Variants in SPMIP6 observed in about 807,000 individuals in gnomAD.
SPMIP6 encodes the protein sperm microtubule inner protein 6, also known as ciliated bronchial epithelial protein 1.
the SPMIP6 span, among the ~76,000 whole-genome samples, chr9:34,393,087 A>G: frequency 1.3e-5 from 2 of 152,216 alleles, no homozygotes; most frequent in African/African-American, 4.8e-5. Context: ...ATTAGGAAAC[A>G]TTTAGGAAAG....
the SPMIP6 span, among the ~76,000 whole-genome samples, chr9:34,393,405 T>G: frequency 3.3e-5 from 5 of 152,242 alleles, no homozygotes; most frequent in Non-Finnish European, 7.3e-5. Context: ...AGAAGTTCCT[T>G]TATTGTATAT....
chr9:34,380,461 G>C, the SPMIP6 span, among the ~76,000 whole-genome samples: 2 of 152,216 alleles, frequency 1.3e-5, no homozygotes, highest in African/African-American at 4.8e-5. Flanking sequence ...GGACCAGCAA[G>C]AGAGGACATT....
the SPMIP6 span, chr9:34,380,956 G>A: frequency 1.2e-6 from 2 of 1,604,998 alleles, no homozygotes; most frequent in South Asian, 1.1e-5. Context: ...AGGGCGCCCC[G>A]CTGGCGTAGT....
At chr9:34,393,862 C>T in the SPMIP6 span, among the ~76,000 whole-genome samples, 1 of 152,084 alleles carries the variant, frequency 6.6e-6, no homozygotes, top group Non-Finnish European at 1.5e-5. Flanking sequence ...CTCTTTAATC[C>T]ATCTGCTGAA....
chr9:34,379,153 C>A, the SPMIP6 span: 1 of 1,613,766 alleles, frequency 6.2e-7, no homozygotes, highest in South Asian at 1.1e-5. This position sits in a 1 kb window ranked among gnomAD's most constrained non-coding sequence, Gnocchi z 4.2. Flanking sequence ...TGGGGACCAC[C>A]AGACTTCTTG....
At chr9:34,382,608 T>C in the SPMIP6 span, 1 of 630,608 alleles carries the variant, frequency 1.6e-6, no homozygotes, top group Non-Finnish European at 2.9e-6. Context: ...ATACAAACTC[T>C]AGTTTCACAG....
chr9:34,397,530 C>T, the SPMIP6 span: 20 of 1,614,020 alleles, frequency 1.2e-5, no homozygotes, highest in East Asian at 4.5e-5. Flanking sequence ...TTCCCAGGCA[C>T]ACAGGGGTGG....
chr9:34,393,511 TTGTC>T, the SPMIP6 span, among the ~76,000 whole-genome samples: 15 of 152,320 alleles, frequency 9.8e-5, no homozygotes, highest in Non-Finnish European at 7.3e-5. Context: ...TTTTTTTTCT[TTGTC>T]TGTTTTTAAG....
At chr9:34,380,809 G>T in the SPMIP6 span, 1 of 1,517,042 alleles carries the variant, frequency 6.6e-7, no homozygotes, top group Non-Finnish European at 8.9e-7. Flanking sequence ...GGCCTGCACG[G>T]AAGCTGGCCG....
At chr9:34,379,646 C>G in the SPMIP6 span, 1 of 1,613,830 alleles carries the variant, frequency 6.2e-7, no homozygotes, top group Non-Finnish European at 8.5e-7. This position sits in a 1 kb window ranked among gnomAD's most constrained non-coding sequence, Gnocchi z 4.2. Context: ...TTAGACTTAC[C>G]TAAGGTTCGG....
the SPMIP6 span, chr9:34,381,567 C>A: frequency 1.3e-6 from 2 of 1,521,152 alleles, no homozygotes; most frequent in South Asian, 1.2e-5. This position sits in a 1 kb window ranked among gnomAD's most constrained non-coding sequence, Gnocchi z 4.4. Context: ...CAGCAGCTCC[C>A]CACCTCTCCA....
chr9:34,385,709 C>T, the SPMIP6 span: 1 of 1,613,848 alleles, frequency 6.2e-7, no homozygotes, highest in South Asian at 1.1e-5. Context: ...TAAGTGTAGT[C>T]CTGTACAGCA....
At chr9:34,390,794 A>T in the SPMIP6 span, among the ~76,000 whole-genome samples, 3 of 151,814 alleles carry the variant, frequency 2.0e-5, no homozygotes, top group Non-Finnish European at 4.4e-5. Context: ...TAATTTTTAA[A>T]TTTTTTTGTA....
the SPMIP6 span, chr9:34,385,745 C>T: frequency 4.3e-5 from 69 of 1,613,604 alleles, no homozygotes; most frequent in South Asian, 6.3e-4. Flanking sequence ...TGCAGGGCTT[C>T]GGGATCCACA....
the SPMIP6 span, chr9:34,379,162 T>C: frequency 1.9e-6 from 3 of 1,613,034 alleles, no homozygotes; most frequent in East Asian, 6.7e-5. The surrounding 1 kb of genome is among the most constrained non-coding windows in gnomAD (Gnocchi z 4.2). Flanking sequence ...CCAGACTTCT[T>C]GAAGTGACTT....
At chr9:34,379,784 A>G in the SPMIP6 span, 1 of 1,449,486 alleles carries the variant, frequency 6.9e-7, no homozygotes. The surrounding 1 kb of genome is among the most constrained non-coding windows in gnomAD (Gnocchi z 4.2). Flanking sequence ...TTTGACTCTC[A>G]TCCCCCGATT....
At chr9:34,381,829 G>A in the SPMIP6 span, 1 of 957,428 alleles carries the variant, frequency 1.0e-6, no homozygotes, top group Non-Finnish European at 1.2e-6. The surrounding 1 kb of genome is among the most constrained non-coding windows in gnomAD (Gnocchi z 4.4). Flanking sequence ...CGATTCTTGA[G>A]GAAGTTCTAA....
the SPMIP6 span, among the ~76,000 whole-genome samples, chr9:34,384,372 C>T: frequency 3.3e-5 from 5 of 152,138 alleles, no homozygotes; most frequent in African/African-American, 1.2e-4. Context: ...ACAGTGGATG[C>T]ACAGGAAAGG....
chr9:34,385,345 A>C, the SPMIP6 span, among the ~76,000 whole-genome samples: 2 of 151,934 alleles, frequency 1.3e-5, no homozygotes, highest in Non-Finnish European at 2.9e-5. Flanking sequence ...CAGCCTGGCC[A>C]ACATGGTGAA....
Sources: gnomAD v4.1 joint callset for allele counts (sites outside exome capture counted in the v4.1 genomes callset) on GRCh38, gnomAD v4.1.1 for gene constraint, Gnocchi (gnomAD v3.1) non-coding constraint, MANE v1.5 for transcripts, NCBI Gene and HGNC (gene_info 2026-07-23, HGNC 2026-07-21) for gene names.